KAZN: variants seen among roughly 807,000 people sequenced by gnomAD.
KAZN encodes the protein kazrin.
KAZN carries 40 observed loss-of-function variants against 87.4 expected under a neutral mutation model. The ratio of observed to expected loss-of-function variants is 0.46; its 90% CI spans 0.36 to 0.60. KAZN has a LOEUF of 0.60. Among genes scored for constraint, KAZN ranks in the 20% least tolerant of loss-of-function variants. KAZN has a pLI of 0.00. For missense variants in KAZN, 898 were observed against 1,073.9 expected, an observed-to-expected ratio of 0.84 and a Z score of 2.29; for synonymous variants, 466 against 458.3, an observed-to-expected ratio of 1.02 and a Z score of -0.22.
At chr1:13,923,623 T>A (rs1305104523) in intron 1 of KAZN, among the ~76,000 whole-genome samples, 1 of 148,092 alleles carries the variant, frequency 6.8e-6, no homozygotes, top group Non-Finnish European at 1.5e-5. Context: ...TGGAAGTGGA[T>A]CATCATAAAG....
intron 2 of KAZN, among the ~76,000 whole-genome samples, chr1:14,239,553 C>G (rs532667413): frequency 1.3e-5 from 2 of 149,142 alleles, no homozygotes; most frequent in African/African-American, 2.5e-5. Flanking sequence ...TTCTGCCTCC[C>G]GGGTTCAGGC....
At chr1:15,017,944 G>T (rs1303752298) in intron 2 of KAZN, among the ~76,000 whole-genome samples, 1 of 152,204 alleles carries the variant, frequency 6.6e-6, no homozygotes, top group Non-Finnish European at 1.5e-5. Context: ...ATTCATGGAG[G>T]TGTGCAAATT....
At chr1:14,568,967 G>A (rs1674698462) in intron 2 of KAZN, among the ~76,000 whole-genome samples, 1 of 152,154 alleles carries the variant, frequency 6.6e-6, no homozygotes. Context: ...ACACAATACA[G>A]TAACCCCAGC....
At chr1:15,091,886 C>A (rs1245402467) in intron 8 of KAZN, among the ~76,000 whole-genome samples, 1 of 152,050 alleles carries the variant, frequency 6.6e-6, no homozygotes, top group Non-Finnish European at 1.5e-5. Flanking sequence ...TAACCATATT[C>A]TCCCCAGCAC....
At chr1:14,036,722 G>A (rs1054837419) in intron 1 of KAZN, among the ~76,000 whole-genome samples, 2 of 151,996 alleles carry the variant, frequency 1.3e-5, no homozygotes, top group Non-Finnish European at 2.9e-5. Flanking sequence ...CCTAGAACCC[G>A]ATCATCTAGG....
intron 1 of KAZN, among the ~76,000 whole-genome samples, chr1:13,953,548 T>C (rs1337061823): frequency 6.6e-6 from 1 of 152,242 alleles, no homozygotes. Flanking sequence ...TTAGTGTTGC[T>C]AATGATAGTT....
At chr1:15,049,870 A>G (rs1210463848) in intron 4 of KAZN, among the ~76,000 whole-genome samples, 1 of 152,092 alleles carries the variant, frequency 6.6e-6, no homozygotes, top group Non-Finnish European at 1.5e-5. Flanking sequence ...CTAAAAATAC[A>G]AAAATTAGCC....
chr1:14,918,444 G>A (rs1658053543), intron 1 of KAZN, among the ~76,000 whole-genome samples: 1 of 151,880 alleles, frequency 6.6e-6, no homozygotes, highest in African/African-American at 2.4e-5. Context: ...GGGAGACTGA[G>A]GCAGGTGGAT....
chr1:14,376,898 CTATG>C (rs1571443164), intron 2 of KAZN, among the ~76,000 whole-genome samples: 2 of 152,238 alleles, frequency 1.3e-5, no homozygotes. Flanking sequence ...ATTGTTTTTG[CTATG>C]TATGTTTTTG....
At chr1:14,959,394 TAG>T (rs1663564606) in intron 1 of KAZN, among the ~76,000 whole-genome samples, 1 of 151,942 alleles carries the variant, frequency 6.6e-6, no homozygotes, top group African/African-American at 2.4e-5. Flanking sequence ...TGGCATATTG[TAG>T]AGAGAGGGAC....
chr1:14,398,657 C>G (rs918478835), intron 2 of KAZN, among the ~76,000 whole-genome samples: 25 of 152,184 alleles, frequency 1.6e-4, no homozygotes, highest in African/African-American at 5.1e-4. Flanking sequence ...GAAACGTAAT[C>G]AAGACTGCTT....
At chr1:14,140,541 T>A (rs1161143281) in intron 1 of KAZN, among the ~76,000 whole-genome samples, 1 of 152,162 alleles carries the variant, frequency 6.6e-6, no homozygotes, top group African/African-American at 2.4e-5. Context: ...ACCCCCCTTT[T>A]CGCTATCCCA....
Position 14,735,524 on chromosome 1 carries a change from C to G in KAZN, c.226+136301C>G, listed in dbSNP as rs1262234425. ...ACACAAAGCCTGAGTGTCAAAGCCT[C>G]GCTGGTAGCCAGGCTCAGAGAGAAT... On this transcript the variant is annotated intron_variant, in intron 1 of 14. Transcript: ENST00000376030. The surrounding 1 kb of genome is among the most constrained non-coding windows in gnomAD (Gnocchi z 4.3). 6.6e-6 allele frequency among the ~76,000 whole-genome samples: 1 copy of G among 152,152 alleles called. No individual in the cohort carries two copies. Among genetic ancestry groups the G allele is most frequent in the Non-Finnish European group, 1.5e-5 (1 of 68,038 alleles).
chr1:14,399,147 T>C (rs886457953), intron 2 of KAZN, among the ~76,000 whole-genome samples: 2 of 152,166 alleles, frequency 1.3e-5, no homozygotes, highest in African/African-American at 2.4e-5. Flanking sequence ...CACCTCAGCC[T>C]CCTGCCATGC....
intron 2 of KAZN, among the ~76,000 whole-genome samples, chr1:14,203,017 C>G (rs2100415026): frequency 6.6e-6 from 1 of 152,090 alleles, no homozygotes; most frequent in East Asian, 1.9e-4. Flanking sequence ...AACTCCGTCT[C>G]AAAAATCATC....
chr1:13,916,842 G>T (rs868051834), intron 1 of KAZN, among the ~76,000 whole-genome samples: 1 of 152,050 alleles, frequency 6.6e-6, no homozygotes, highest in Non-Finnish European at 1.5e-5. Flanking sequence ...GAGCAGAATG[G>T]GGCCTCATGG....
At chr1:14,886,437 T>TAC (rs34119523) in intron 1 of KAZN, among the ~76,000 whole-genome samples, 7,431 of 147,244 alleles carry the variant, frequency 0.05, 195 homozygotes, top group African/African-American at 0.059. Context: ...CACACACACA[T>TAC]ACACACACAC....
intron 1 of KAZN, among the ~76,000 whole-genome samples, chr1:14,672,425 A>T (rs1639970089): frequency 6.6e-6 from 1 of 152,128 alleles, no homozygotes. Context: ...TGTGGCCCGA[A>T]CCCTCCCTTT....
At chr1:14,459,261 G>C (rs1035340033) in intron 2 of KAZN, among the ~76,000 whole-genome samples, 5 of 144,524 alleles carry the variant, frequency 3.5e-5, no homozygotes, top group Non-Finnish European at 7.5e-5. Flanking sequence ...GTGTGTGCGC[G>C]TGTGTGTGTG....
Sources: allele counts gnomAD v4.1 joint callset (sites outside exome capture counted in the v4.1 genomes callset), GRCh38; gene constraint gnomAD v4.1.1; non-coding constraint Gnocchi (gnomAD v3.1); transcripts MANE v1.5; gene names NCBI Gene and HGNC (gene_info 2026-07-23, HGNC 2026-07-21).